The following KNL1 variants were observed in gnomAD, a reference collection of about 807,000 sequenced individuals.
The protein encoded by KNL1 is kinetochore scaffold 1, also known as outer kinetochore KNL1 complex subunit KNL1.
KNL1 carries 66 observed loss-of-function variants against 201.3 expected under a neutral mutation model. That is an observed-to-expected ratio of 0.33 (90% CI 0.27 to 0.40). The LOEUF is 0.40. Ranked by LOEUF, KNL1 falls within the 10% of genes least tolerant of loss-of-function variation. KNL1 has a pLI of 1.00. For synonymous variants in KNL1, 895 were observed against 899.2 expected (o/e 1.00, Z 0.08); for missense variants, 2,815 against 2,690.5 (o/e 1.05, Z -1.02).
rs533727462 is a variant in KNL1, at chr15:40,652,319, A to G, written c.6415+214A>G. 2.0e-5 allele frequency among the ~76,000 whole-genome samples: 3 copies of G among 152,296 alleles called. No individual in the cohort carries two copies. The South Asian group carries it at 6.2e-4, about 32-fold the overall frequency. On this transcript the variant is annotated intron_variant, in intron 21 of 25. Transcript: ENST00000399668. ...ATTAGTGAACGTTGCCCTTTGTTGA[A>G]TTACATTAAATAAAAATTTTGCTCT...
At position 40,624,456 on chromosome 15, in the gene KNL1, C is replaced by G; in HGVS notation, c.4192C>G (p.Leu1398Val). ...AGATCTGATTAAGGATCCACGAAAT[C>G]TATTGGCTAATCAAACTTTAGTATA... Reference protein sequence around the residue: ...DQDLIKDPRNLLANQTLVYSQ... With the variant: ...DQDLIKDPRNVLANQTLVYSQ... The change falls in exon 10 of 26, where the codon CTA becomes GTA. Residue 1398 changes from leucine to valine, a missense_variant. This residue lies in a region of KNL1 where 2,464 missense variants were observed against 2,291.7 expected (regional missense o/e 1.08). Coordinates refer to ENST00000399668, the MANE Select transcript of KNL1 (RefSeq NM_144508.5). 6 of 1,613,750 alleles carry G rather than the reference C, an allele frequency of 3.7e-6. No homozygotes were observed. Among genetic ancestry groups the G allele is most frequent in the Non-Finnish European group, 5.1e-6 (6 of 1,179,820 alleles).
rs778111468 is a variant in KNL1, at chr15:40,628,184, G to A, written c.5491G>A (p.Asp1831Asn). The A allele has an allele frequency of 2.5e-6, 4 of 1,609,644 alleles. No individual in the cohort carries two copies. In the South Asian group the frequency reaches 3.3e-5, roughly 13 times the overall value. Residue 1831 changes from aspartate (D) to asparagine (N), a missense_variant, in exon 11 of 26, where the codon GAT becomes AAT. By Grantham distance (23) the Asp-to-Asn change is conservative. Transcript: ENST00000399668. Reference protein sequence around the residue: ...CSSSLDSIKADGTSLDFSTYR... With the variant: ...CSSSLDSIKANGTSLDFSTYR... ...CAGCTCTCTGGATTCAATCAAGGCTGATGGGACCTCTCTGGACTTCAGCAG... is the reference window on the plus strand; with the variant it reads ...CAGCTCTCTGGATTCAATCAAGGCTAATGGGACCTCTCTGGACTTCAGCAG...
intron 24 of KNL1, among the ~76,000 whole-genome samples, chr15:40,658,975 G>A (rs1374234746): frequency 6.7e-6 from 1 of 149,582 alleles, no homozygotes; most frequent in Non-Finnish European, 1.5e-5. Flanking sequence ...TGCCTAACTT[G>A]GACATGCCAG....
At chr15:40,617,499 G>C (rs907212541) in intron 8 of KNL1, among the ~76,000 whole-genome samples, 1 of 152,030 alleles carries the variant, frequency 6.6e-6, no homozygotes, top group African/African-American at 2.4e-5. Flanking sequence ...TATGATTTAT[G>C]TTTGCCGCCA....
At chr15:40,618,773 C>G (rs541423971) in intron 8 of KNL1, among the ~76,000 whole-genome samples, 186 bp from the exon 9 acceptor site, 1 of 151,606 alleles carries the variant, frequency 6.6e-6, no homozygotes, top group African/African-American at 2.4e-5. Flanking sequence ...ACATGTAACA[C>G]AAAAATATGT....
At position 40,662,282 on chromosome 15, in the gene KNL1, A is replaced by G. The variant is rs1375150588; in HGVS notation, c.*94A>G. 13 of 716,980 alleles carry G rather than the reference A, an allele frequency of 1.8e-5. No homozygotes were observed. The highest frequency in any genetic ancestry group is 3.0e-5 in the Non-Finnish European group (12 of 402,912). The allele number at this position is 716,980 out of a possible 1,614,324, so 44.4% of individuals were successfully genotyped here. A position where few individuals can be genotyped will look rare whatever the true frequency, so the allele number is the denominator to read the frequency against. ...TCAGCCTTTGTTTTTACGTCATTAC[A>G]AGCTGAGTAAAATTCCTTCTGATGA... On this transcript the variant is annotated 3_prime_UTR_variant, in exon 26 of 26. Coordinates refer to ENST00000399668, the MANE Select transcript of KNL1 (RefSeq NM_144508.5).
Position 40,624,040 on chromosome 15 carries a change from A to C in KNL1, c.3776A>C (p.Lys1259Thr). ...GCTATGGATGAAAAGGTCATAGGGA[A>C]AGTTGTAGACCAGGCCTGTACATTG... ...SAAMDEKVIG[K>T]VVDQACTLEK... Residue 1259 changes from lysine to threonine, a missense_variant, in exon 10 of 26, where the codon AAA (lysine) becomes ACA (threonine). By Grantham distance (78) the Lys-to-Thr change is moderately conservative. Around this residue, in one of 3 missense-constraint regions of KNL1, gnomAD observed 2,464 missense variants for 2,291.7 expected, o/e 1.08. Coordinates refer to ENST00000399668, the MANE Select transcript of KNL1 (RefSeq NM_144508.5). 6.2e-7 allele frequency: 1 copy of C among 1,614,038 alleles called. No individual in the cohort carries two copies.
At chr15:40,648,705 CCTT>C (rs1200165351) in intron 17 of KNL1, among the ~76,000 whole-genome samples, 2 of 152,116 alleles carry the variant, frequency 1.3e-5, no homozygotes, top group South Asian at 2.1e-4. Flanking sequence ...CATTATTCCA[CCTT>C]CTTCCATTCC....
chr15:40,654,573 TA>T (rs10626725), intron 21 of KNL1, among the ~76,000 whole-genome samples: 3,214 of 143,262 alleles, frequency 0.022, 49 homozygotes, highest in African/African-American at 0.05. Context: ...TCAGGTAGTT[TA>T]AAAAAAAAAA....
Position 40,623,572 on chromosome 15 carries a change from A to G in KNL1, c.3308A>G (p.Glu1103Gly). 6.2e-7 allele frequency: 1 copy of G among 1,613,678 alleles called. No individual in the cohort carries two copies. The change falls in exon 10 of 26, where the codon GAG (glutamate) becomes GGG (glycine). Residue 1103 changes from glutamate to glycine, a missense_variant. Coordinates refer to ENST00000399668, the MANE Select transcript of KNL1 (RefSeq NM_144508.5). ...GAAATAGATAACGAAAGTGCCCTGGAGGATAAAGAGGACTTCCATTTGGCA... is the reference window on the plus strand; with the variant it reads ...GAAATAGATAACGAAAGTGCCCTGGGGGATAAAGAGGACTTCCATTTGGCA... ...MVEIDNESAL[E>G]DKEDFHLAGA...
chr15:40,597,021 A>AG (rs1297303761), intron 1 of KNL1, among the ~76,000 whole-genome samples: 1 of 133,104 alleles, frequency 7.5e-6, no homozygotes, highest in African/African-American at 2.7e-5. Context: ...AAAAAAAAAA[A>AG]GGTACTTGCT....
At chr15:40,641,069 G>C (rs2141747636) in intron 14 of KNL1, 42 bp downstream of exon 14, 1 of 1,301,978 alleles carries the variant, frequency 7.7e-7, no homozygotes, top group South Asian at 1.2e-5. Flanking sequence ...TTTGAGGGGA[G>C]GGATCAGTTA....
intron 24 of KNL1, among the ~76,000 whole-genome samples, 179 bp downstream of exon 24, chr15:40,657,652 C>T (rs1044679168): frequency 1.3e-5 from 2 of 152,170 alleles, no homozygotes; most frequent in Non-Finnish European, 2.9e-5. Flanking sequence ...CAATCTTTGG[C>T]ATTCCTTGGC....
chr15:40,625,182 G>GT lies in KNL1; in HGVS notation c.4923dup (p.Lys1642Ter). The GT allele has an allele frequency of 6.2e-7, 1 of 1,613,996 alleles. No homozygotes were observed. The highest frequency in any genetic ancestry group is 1.7e-5 in the Admixed American group (1 of 59,982). Reference sequence around the variant, plus strand: ...AACCACCTCTCTACCGCCAAAGACAGTTTTTAAAGATAAAGTAAGGAGATG... The same window carrying GT: ...AACCACCTCTCTACCGCCAAAGACAGTTTTTTAAAGATAAAGTAAGGAGATG... On this transcript the variant is annotated frameshift_variant, in exon 10 of 26. Coordinates refer to ENST00000399668, the MANE Select transcript of KNL1 (RefSeq NM_144508.5). LOFTEE classifies it high-confidence loss of function.
intron 7 of KNL1, 78 bp from the exon 8 acceptor site, chr15:40,615,263 G>C: frequency 2.2e-6 from 1 of 453,054 alleles, no homozygotes; most frequent in Non-Finnish European, 4.0e-6. Flanking sequence ...TTCACCTTCT[G>C]TACTCTTTCA....
In KNL1 at chr15:40,645,059, A is replaced by G. The variant is rs779291527; in HGVS notation, c.5861A>G (p.Glu1954Gly). Residue 1954 changes from glutamate to glycine, a missense_variant, in exon 15 of 26, where the codon GAA (glutamate) becomes GGA (glycine). Around this residue, in one of 3 missense-constraint regions of KNL1, gnomAD observed 2,464 missense variants for 2,291.7 expected, o/e 1.08. Coordinates refer to ENST00000399668, the MANE Select transcript of KNL1 (RefSeq NM_144508.5). Reference sequence around the variant, plus strand: ...GTTGATATAAATAAGAACCTGTGGGAAAAAATGAGACACTGCTCTGACAAA... The same window carrying G: ...GTTGATATAAATAAGAACCTGTGGGGAAAAATGAGACACTGCTCTGACAAA... ...LLVDINKNLW[E>G]KMRHCSDKEL... 6.2e-7 allele frequency: 1 copy of G among 1,609,544 alleles called. No homozygotes were observed. The highest frequency in any genetic ancestry group is 8.5e-7 in the Non-Finnish European group (1 of 1,176,900).
intron 17 of KNL1, among the ~76,000 whole-genome samples, chr15:40,649,930 C>T (rs1893504031): frequency 6.6e-6 from 1 of 151,934 alleles, no homozygotes; most frequent in East Asian, 1.9e-4. Flanking sequence ...AGTTTATCTT[C>T]CTGATTAAAT....
At chr15:40,618,036 T>C (rs958138644) in intron 8 of KNL1, among the ~76,000 whole-genome samples, 11 of 139,820 alleles carry the variant, frequency 7.9e-5, no homozygotes, top group Non-Finnish European at 1.7e-4. Flanking sequence ...TTTCATTATA[T>C]GTACTCAAGC....
At position 40,661,711 on chromosome 15, in the gene KNL1, T is replaced by C. The variant is rs933634217; in HGVS notation, c.6837-363T>C. Among the ~76,000 whole-genome samples the C allele has an allele frequency of 3.9e-5, 6 of 152,146 alleles. No individual in the cohort carries two copies. In the East Asian group the frequency reaches 1.2e-3, roughly 29 times the overall value. ...AAACTGAGAGACCAAGAACATAAAT[T>C]CCACTGAATTAGAGACAAGTGTAAG... is the stretch of plus-strand genomic sequence containing the variant. On this transcript the variant is annotated intron_variant, in intron 25 of 25. Coordinates refer to ENST00000399668, the MANE Select transcript of KNL1 (RefSeq NM_144508.5).
Sources: gnomAD v4.1 joint callset for allele counts (sites outside exome capture counted in the v4.1 genomes callset) on GRCh38, gnomAD v4.1.1 for gene constraint, gnomAD v4.1.1 regional missense constraint, MANE v1.5 for transcripts, NCBI Gene and HGNC (gene_info 2026-07-23, HGNC 2026-07-21) for gene names.